ANK3: variants seen among roughly 807,000 people sequenced by gnomAD.
ANK3 encodes ankyrin 3.
Under a neutral mutation model 370.9 loss-of-function variants are expected in ANK3, and 57 were observed. The observed-to-expected ratio is 0.15, with a 90% confidence interval of 0.12 to 0.19. The LOEUF (loss-of-function observed/expected upper bound fraction) is 0.19. Among genes scored for constraint, ANK3 ranks in the 10% least tolerant of loss-of-function variants. ANK3 has a pLI of 1.00. For synonymous variants in ANK3, 1,929 were observed against 1,946.3 expected, an observed-to-expected ratio of 0.99 and a Z score of 0.23; for missense variants, 4,439 against 5,302.1, an observed-to-expected ratio of 0.84 and a Z score of 5.06.
chr10:60,063,269 A>T lies in ANK3; in HGVS notation c.12452-15T>A, dbSNP rs2080961018. On this transcript the variant is annotated splice_polypyrimidine_tract_variant and intron_variant, in intron 39 of 43. Coordinates refer to ENST00000280772, the MANE Select transcript of ANK3 (RefSeq NM_020987.5). Reference sequence around the variant, plus strand: ...TAAGGCATCAGCTGAAAAGGAGAAAAAAAGGTTGAAAACCCAATTAAATTA... The same window carrying T: ...TAAGGCATCAGCTGAAAAGGAGAAATAAAGGTTGAAAACCCAATTAAATTA... 1 of 1,598,714 alleles carries T rather than the reference A, an allele frequency of 6.3e-7. No homozygotes were observed. The highest frequency in any genetic ancestry group is 8.5e-7 in the Non-Finnish European group (1 of 1,174,108).
intron 42 of ANK3, among the ~76,000 whole-genome samples, chr10:60,054,739 A>G (rs10994172): frequency 0.11 from 16,347 of 152,170 alleles, 2,619 homozygotes; most frequent in African/African-American, 0.35. Context: ...TTTCCTCCCA[A>G]AACACTAAAG....
chr10:60,188,869 A>C (rs1351685745), intron 16 of ANK3, among the ~76,000 whole-genome samples: 1 of 152,210 alleles, frequency 6.6e-6, no homozygotes, highest in Non-Finnish European at 1.5e-5. Flanking sequence ...TGATGCCCGC[A>C]GAGCCAAATG....
intron 2 of ANK3, among the ~76,000 whole-genome samples, chr10:60,440,581 C>T (rs1834926481): frequency 6.6e-6 from 1 of 152,140 alleles, no homozygotes; most frequent in Admixed American, 6.5e-5. Flanking sequence ...TCCCTCAACA[C>T]CTGGGGATTA....
At chr10:60,085,362 C>T (rs1564897772) in intron 30 of ANK3, 109 bp from the exon 31 acceptor site, 1 of 710,842 alleles carries the variant, frequency 1.4e-6, no homozygotes, top group East Asian at 2.7e-5. Flanking sequence ...GGCAAAACTT[C>T]AACACCTTCA....
intron 23 of ANK3, among the ~76,000 whole-genome samples, chr10:60,153,187 C>T (rs1216431284): frequency 1.3e-5 from 2 of 152,136 alleles, no homozygotes; most frequent in East Asian, 3.9e-4. Flanking sequence ...ATCTTAAAAG[C>T]CTAACTATAA....
At chr10:60,188,021 TTTTGTTTA>T (rs1342227197) in intron 16 of ANK3, among the ~76,000 whole-genome samples, 1 of 152,222 alleles carries the variant, frequency 6.6e-6, no homozygotes, top group Non-Finnish European at 1.5e-5. Flanking sequence ...AGTGGCACTC[TTTTGTTTA>T]TTTATCTGTC....
chr10:60,476,472 G>C (rs1366114855), intron 2 of ANK3, among the ~76,000 whole-genome samples: 1 of 152,136 alleles, frequency 6.6e-6, no homozygotes, highest in Non-Finnish European at 1.5e-5. Flanking sequence ...AAAGTAGGTA[G>C]AAACTATTTT....
At chr10:60,246,234 C>A (rs2097549265) in intron 7 of ANK3, among the ~76,000 whole-genome samples, 1 of 109,622 alleles carries the variant, frequency 9.1e-6, no homozygotes. Flanking sequence ...CCAGCCTGGG[C>A]AACAGAGAGA....
intron 42 of ANK3, 43 bp downstream of exon 42, chr10:60,055,615 C>T (rs2079026023): frequency 6.5e-7 from 1 of 1,543,852 alleles, no homozygotes; most frequent in Non-Finnish European, 8.7e-7. Context: ...AGCACCGATA[C>T]TTTCCATTTC....
intron 2 of ANK3, among the ~76,000 whole-genome samples, chr10:60,597,797 A>G (rs2078008594): frequency 1.3e-5 from 2 of 152,194 alleles, no homozygotes; most frequent in Admixed American, 1.3e-4. Flanking sequence ...CTCCTTGAGC[A>G]ATAGGAACTG....
At chr10:60,185,437 C>T (rs1336884201) in intron 17 of ANK3, among the ~76,000 whole-genome samples, 1 of 152,116 alleles carries the variant, frequency 6.6e-6, no homozygotes, top group Non-Finnish European at 1.5e-5. Flanking sequence ...TACTAAAGGA[C>T]AAAACTGAGG....
intron 41 of ANK3, 95 bp downstream of exon 41, chr10:60,059,245 T>C (rs2079846675): frequency 9.5e-7 from 1 of 1,051,640 alleles, no homozygotes. Flanking sequence ...ACTAGAATGG[T>C]AATTTAGAAG....
At chr10:60,391,609 C>T (rs2063103226), upstream of ANK3, among the ~76,000 whole-genome samples, 1 of 152,166 alleles carries the variant, frequency 6.6e-6, no homozygotes, top group African/African-American at 2.4e-5. Context: ...GGCGTCTTTC[C>T]CACTGGCTCC....
At chr10:60,059,843 G>A (rs2079990730) in intron 40 of ANK3, 1 of 1,614,230 alleles carries the variant, frequency 6.2e-7, no homozygotes. Context: ...AATGCTCTAT[G>A]TTCCCCTGGG....
intron 42 of ANK3, among the ~76,000 whole-genome samples, chr10:60,049,636 T>G (rs2077559791): frequency 6.6e-6 from 1 of 152,184 alleles, no homozygotes; most frequent in South Asian, 2.1e-4. Context: ...TTATGAAACC[T>G]ACAACATTAT....
intron 2 of ANK3, among the ~76,000 whole-genome samples, chr10:60,454,551 G>C (rs990261163): frequency 1.3e-5 from 2 of 152,078 alleles, no homozygotes; most frequent in African/African-American, 4.8e-5. Flanking sequence ...AGGACAGTCA[G>C]TTTACAGGAT....
intron 1 of ANK3, among the ~76,000 whole-genome samples, chr10:60,304,681 T>C (rs907190240): frequency 6.6e-6 from 1 of 152,164 alleles, no homozygotes; most frequent in Admixed American, 6.6e-5. Context: ...TTTAAATATA[T>C]ACAATTTTTG....
intron 7 of ANK3, among the ~76,000 whole-genome samples, chr10:60,250,353 A>G (rs1238035992): frequency 1.3e-5 from 2 of 152,062 alleles, no homozygotes; most frequent in Non-Finnish European, 2.9e-5. Context: ...CTGTTAGAAC[A>G]TTTGCTTTTA....
chr10:60,621,537 G>A (rs2078337600), intron 1 of ANK3, among the ~76,000 whole-genome samples: 1 of 152,102 alleles, frequency 6.6e-6, no homozygotes, highest in Admixed American at 6.6e-5. Flanking sequence ...AGACTCTCCT[G>A]GGGTCGTGTA....
Sources: allele counts gnomAD v4.1 joint callset (sites outside exome capture counted in the v4.1 genomes callset), GRCh38; gene constraint gnomAD v4.1.1; transcripts MANE v1.5; gene names NCBI Gene and HGNC (gene_info 2026-07-23, HGNC 2026-07-21).